AHCTF1: variants seen among roughly 807,000 people sequenced by gnomAD.
The protein encoded by AHCTF1 is AT-hook containing transcription factor 1.
In AHCTF1, 24 loss-of-function variants were observed where a neutral mutation model predicts 248.4. The observed-to-expected ratio is 0.10, with a 90% confidence interval of 0.07 to 0.14. The LOEUF (loss-of-function observed/expected upper bound fraction) is 0.14. Ranked by LOEUF, AHCTF1 falls within the 10% of genes least tolerant of loss-of-function variation. The pLI, the probability that AHCTF1 is intolerant of heterozygous loss-of-function variation, is 1.00. For missense variants in AHCTF1, 2,206 were observed against 2,636.2 expected, an observed-to-expected ratio of 0.84 and a Z score of 3.57; for synonymous variants, 786 against 929.8, an observed-to-expected ratio of 0.85 and a Z score of 2.81.
chr1:246,884,683 T>A (rs942800239), intron 21 of AHCTF1, among the ~76,000 whole-genome samples: 1 of 152,200 alleles, frequency 6.6e-6, no homozygotes, highest in African/African-American at 2.4e-5. Flanking sequence ...ATCATTATTA[T>A]GTAAATGACA....
In AHCTF1 at chr1:246,854,957, C is replaced by T. The variant is rs573210526; in HGVS notation, c.4354+773G>A. On this transcript the variant is annotated intron_variant, in intron 31 of 35. Coordinates refer to ENST00000648844, the MANE Select transcript of AHCTF1 (RefSeq NM_001323342.2). ...ATTATGGACCCCTAAAATGGGTGAT[C>T]GGCTTTTTACATGTTAGACAATTCT... is the stretch of plus-strand genomic sequence containing the variant. 4.3e-4 allele frequency among the ~76,000 whole-genome samples: 34 copies of T among 79,346 alleles called. No homozygotes were observed. The South Asian group carries it at 0.01, about 24-fold the overall frequency. The allele number at this position is 79,346 out of a possible 152,430, so 52.1% of individuals were successfully genotyped here. A position where few individuals can be genotyped will look rare whatever the true frequency, so the allele number is the denominator to read the frequency against.
chr1:246,856,591 T>TTCCTTCTCATGCGAC (rs1158444917), intron 30 of AHCTF1, among the ~76,000 whole-genome samples: 46 of 152,202 alleles, frequency 3.0e-4, no homozygotes, highest in Admixed American at 2.0e-3. Flanking sequence ...TCTCATGTGA[T>TTCCTTCTCATGCGAC]TCCTTCTCAT....
At chr1:246,901,600 C>T (rs372302506) in intron 8 of AHCTF1, among the ~76,000 whole-genome samples, 9 of 151,966 alleles carry the variant, frequency 5.9e-5, no homozygotes, top group South Asian at 4.2e-4. Flanking sequence ...CTGGACAGAG[C>T]GAGACTCCAT....
chr1:246,882,155 G>A (rs1322692568), intron 21 of AHCTF1, among the ~76,000 whole-genome samples: 2 of 151,388 alleles, frequency 1.3e-5, no homozygotes, highest in African/African-American at 4.9e-5. Flanking sequence ...GCACCACCTC[G>A]CCCAGCTAAT....
Position 246,887,479 on chromosome 1 carries a change from T to C in AHCTF1, c.2326-122A>G. The C allele has an allele frequency of 9.9e-7, 1 of 1,005,576 alleles. No individual in the cohort carries two copies. Among genetic ancestry groups the C allele is most frequent in the Non-Finnish European group, 1.4e-6 (1 of 694,344 alleles). The allele number at this position is 1,005,576 out of a possible 1,614,324, so 62.3% of individuals were successfully genotyped here. A position where few individuals can be genotyped will look rare whatever the true frequency, so the allele number is the denominator to read the frequency against. On this transcript the variant is annotated intron_variant, in intron 19 of 35. Transcript: ENST00000648844. ...GACTTGAAATGCCTGTTTTTAGTGT[T>C]TAGAAAGCCATCATGGAGAGTCAGC...
At chr1:246,870,769 AG>A (rs1662537457) in intron 24 of AHCTF1, among the ~76,000 whole-genome samples, 1 of 150,500 alleles carries the variant, frequency 6.6e-6, no homozygotes, top group South Asian at 2.1e-4. Flanking sequence ...TCTCAGGGAC[AG>A]GGGTGTCCTT....
chr1:246,895,821 T>TA lies in AHCTF1; in HGVS notation c.1714+13dup. 1 of 1,583,698 alleles carries TA rather than the reference T, an allele frequency of 6.3e-7. No homozygotes were observed. Reference sequence around the variant, plus strand: ...TAAAAATACCAAACATTTTACTTGTTATCAGAATCTTACCTTCTGTTATCC... The same window carrying TA: ...TAAAAATACCAAACATTTTACTTGTTAATCAGAATCTTACCTTCTGTTATCC... On this transcript the variant is annotated intron_variant, in intron 13 of 35. Transcript: ENST00000648844.
Position 246,850,893 on chromosome 1 carries a change from TTA to T in AHCTF1, c.5111_5112del (p.Ile1704AsnfsTer5). On this transcript the variant is annotated frameshift_variant, in exon 33 of 36. Transcript: ENST00000648844. LOFTEE classifies it high-confidence loss of function. ...GATTTGACCAATTTAGTGGGACACA[TTA>T]TGTTTTGGCTCACTAAAGGTATTGT... ...HETIPLVSQN[I>X]MCPTKLVKSA... is the part of the protein sequence containing the mutation. 2 of 1,614,006 alleles carry T rather than the reference TTA, an allele frequency of 1.2e-6. No individual in the cohort carries two copies. Among genetic ancestry groups the T allele is most frequent in the Non-Finnish European group, 8.5e-7 (1 of 1,179,874 alleles).
chr1:246,841,307 C>A (rs1659846509), intron 35 of AHCTF1, among the ~76,000 whole-genome samples: 1 of 152,140 alleles, frequency 6.6e-6, no homozygotes. Context: ...CAAGGACGGG[C>A]CGAGTACCAG....
intron 24 of AHCTF1, among the ~76,000 whole-genome samples, chr1:246,873,731 C>T (rs897969543): frequency 6.6e-6 from 1 of 152,198 alleles, no homozygotes; most frequent in African/African-American, 2.4e-5. Context: ...CAAGCCTAGC[C>T]TGTCCAAGCC....
At chr1:246,841,501 G>A (rs1225509235) in intron 35 of AHCTF1, among the ~76,000 whole-genome samples, 1 of 152,150 alleles carries the variant, frequency 6.6e-6, no homozygotes, top group Non-Finnish European at 1.5e-5. Flanking sequence ...GCATTCACGT[G>A]TGCTTTTATT....
chr1:246,928,362 T>C (rs987752571), intron 1 of AHCTF1, among the ~76,000 whole-genome samples: 3 of 151,616 alleles, frequency 2.0e-5, no homozygotes, highest in African/African-American at 7.3e-5. Context: ...ACACTATGAA[T>C]TCCTAAAAGG....
rs779543619 is a variant in AHCTF1 at position 246,907,729 on chromosome 1, C to G, written c.586G>C (p.Glu196Gln). 1 of 1,613,718 alleles carries G rather than the reference C, an allele frequency of 6.2e-7. No homozygotes were observed. The highest frequency in any genetic ancestry group is 8.5e-7 in the Non-Finnish European group (1 of 1,179,902). ...ACACTTTCTCTAATGTGTGGTACTT[C>G]AGCTGGGATACCAGTTAGAACTTCA... ...DLEVLTGIPA[E>Q]VPHIRESVMR... The change falls in exon 5 of 36, where the codon GAA becomes CAA. Residue 196 changes from glutamate (E) to glutamine (Q), a missense_variant. By Grantham distance (29) the Glu-to-Gln change is conservative (BLOSUM62 2). Transcript: ENST00000648844.
chr1:246,926,903 G>A (rs993376457), intron 1 of AHCTF1, among the ~76,000 whole-genome samples: 1 of 152,058 alleles, frequency 6.6e-6, no homozygotes, highest in South Asian at 2.1e-4. Flanking sequence ...GCCGGGCCGC[G>A]GTGGCACACG....
intron 13 of AHCTF1, among the ~76,000 whole-genome samples, chr1:246,895,566 A>G (rs1234599291): frequency 6.6e-6 from 1 of 152,172 alleles, no homozygotes; most frequent in Non-Finnish European, 1.5e-5. Flanking sequence ...AATTCTTGCC[A>G]GGGGTTAAGG....
intron 1 of AHCTF1, among the ~76,000 whole-genome samples, chr1:246,929,243 T>TA (rs1432886179): frequency 2.0e-5 from 3 of 152,048 alleles, no homozygotes; most frequent in African/African-American, 7.2e-5. Flanking sequence ...ACCCCGTCTC[T>TA]ACTAAAATAC....
chr1:246,850,306 G>A lies in AHCTF1; in HGVS notation c.5700C>T (p.Ser1900=). 6.2e-7 allele frequency: 1 copy of A among 1,613,836 alleles called. No individual in the cohort carries two copies. Among genetic ancestry groups the A allele is most frequent in the Non-Finnish European group, 8.5e-7 (1 of 1,179,828 alleles). ...TACTTCTCAATTTTCTGATCATTCT[G>A]CTAGGACTTGTTACCGTACTAACTT... is the stretch of plus-strand genomic sequence containing the variant. The part of the protein sequence containing the change: ...DLKVSTVTSP[S]RMIRKLRSTN... Residue 1900 remains serine, a synonymous_variant, in exon 33 of 36, where the codon AGC becomes AGT. Transcript: ENST00000648844.
rs3122533 is a variant in AHCTF1 at position 246,897,148 on chromosome 1, T to A, written c.1623+1060A>T. 6.8e-3 allele frequency among the ~76,000 whole-genome samples: 1,032 copies of A among 152,178 alleles called. 18 individuals are homozygous for A. Among genetic ancestry groups the A allele is most frequent in the African/African-American group, 0.024 (976 of 41,518 alleles). On this transcript the variant is annotated intron_variant, in intron 12 of 35. Coordinates refer to ENST00000648844, the MANE Select transcript of AHCTF1 (RefSeq NM_001323342.2). ...GGCCAACATGGTGTAACTCTGTCTC[T>A]ACTAAAAATAAAAAATTAGCCGGGT... is the stretch of plus-strand genomic sequence containing the variant.
rs755035822 is a variant in AHCTF1 at position 246,864,116 on chromosome 1, T to C, written c.3348A>G (p.Arg1116=). Residue 1116 remains arginine, a splice_region_variant and synonymous_variant, in exon 27 of 36, where the codon AGA becomes AGG. Coordinates refer to ENST00000648844, the MANE Select transcript of AHCTF1 (RefSeq NM_001323342.2). ...PISKASQKIS[R]LLDLVVQPVP... ...CAGGCTGAACAACCAAATCTAGCAG[T>C]CTGTAATCAGAATGCGCATTTATTG... The C allele has an allele frequency of 6.2e-7, 1 of 1,611,912 alleles. No individual in the cohort carries two copies. Among genetic ancestry groups the C allele is most frequent in the Non-Finnish European group, 8.5e-7 (1 of 1,179,236 alleles).
Sources: allele counts gnomAD v4.1 joint callset (sites outside exome capture counted in the v4.1 genomes callset), GRCh38; gene constraint gnomAD v4.1.1; transcripts MANE v1.5; gene names NCBI Gene and HGNC (gene_info 2026-07-23, HGNC 2026-07-21).